ADGRV1: variants seen among roughly 807,000 people sequenced by gnomAD.
ADGRV1 encodes adhesion G protein-coupled receptor V1, also known as G-protein coupled receptor 98.
In ADGRV1, 359 loss-of-function variants were observed where a neutral mutation model predicts 596.2. That is an observed-to-expected ratio of 0.60 (90% CI 0.55 to 0.66). The LOEUF (loss-of-function observed/expected upper bound fraction) is 0.66, where lower values mean the gene tolerates loss of function less well. Ranked by LOEUF, ADGRV1 falls within the 30% of genes least tolerant of loss-of-function variation. ADGRV1 has a pLI of 0.00. For synonymous variants in ADGRV1, 2,681 were observed against 2,679.2 expected, an observed-to-expected ratio of 1.00 and a Z score of -0.02; for missense variants, 7,274 against 7,575.6, an observed-to-expected ratio of 0.96 and a Z score of 1.48.
At chr5:91,075,159 C>G (rs1788739224) in intron 86 of ADGRV1, among the ~76,000 whole-genome samples, 1 of 151,980 alleles carries the variant, frequency 6.6e-6, no homozygotes, top group Non-Finnish European at 1.5e-5. Context: ...TTGATAATTT[C>G]TTTTGCTGTG....
At chr5:91,138,514 T>C (rs73771194) in intron 87 of ADGRV1, among the ~76,000 whole-genome samples, 1,602 of 152,286 alleles carry the variant, frequency 0.011, 38 homozygotes, top group African/African-American at 0.037. Flanking sequence ...CTTGTTTCAC[T>C]GATAAGAAAA....
Position 90,720,991 on chromosome 5 carries a change from G to C in ADGRV1, c.9680G>C (p.Arg3227Pro). Residue 3227 changes from arginine to proline, a missense_variant, in exon 45 of 90, where the codon CGA becomes CCA. Coordinates refer to ENST00000405460, the MANE Select transcript of ADGRV1 (RefSeq NM_032119.4). ...AGGACCGTGTATTTAAATGTATCTC[G>C]AACTAATGGCATTGATTTGGCTGTG... Reference protein sequence around the residue: ...ANRTVYLNVSRTNGIDLAVSV... With the variant: ...ANRTVYLNVSPTNGIDLAVSV... 1 of 1,612,510 alleles carries C rather than the reference G, an allele frequency of 6.2e-7. No homozygotes were observed. The highest frequency in any genetic ancestry group is 8.5e-7 in the Non-Finnish European group (1 of 1,178,972).
chr5:90,774,883 C>G (rs543100889), intron 60 of ADGRV1, among the ~76,000 whole-genome samples: 2 of 152,118 alleles, frequency 1.3e-5, no homozygotes, highest in South Asian at 4.2e-4. Flanking sequence ...CACACTTTAC[C>G]TTTGTAATAA....
chr5:90,629,617 ATTATTTTGACCTTG>A, intron 9 of ADGRV1, 78 bp downstream of exon 9: 1 of 1,060,696 alleles, frequency 9.4e-7, no homozygotes, highest in Non-Finnish European at 1.4e-6. Context: ...TTAACTGAAC[ATTATTTTGACCTTG>A]TTATTTTGCC....
At chr5:90,660,531 G>A (rs1041176258) in intron 21 of ADGRV1, among the ~76,000 whole-genome samples, 9 of 111,402 alleles carry the variant, frequency 8.1e-5, no homozygotes, top group East Asian at 1.1e-3. Context: ...ACAATTTAAC[G>A]TTAAAAAAAA....
rs201210744 is a variant in ADGRV1 at position 90,684,163 on chromosome 5, C to G, written c.6242C>G (p.Ser2081Cys). 75 of 1,613,194 alleles carry G rather than the reference C, an allele frequency of 4.6e-5. No individual in the cohort carries two copies. In the African/African-American group the frequency reaches 7.3e-4, roughly 16 times the overall value. ...SESVFIELLNSTLVAKVQSRS... is the reference protein window; with the variant it reads ...SESVFIELLNCTLVAKVQSRS... ...TCTGTCTTTATCGAACTACTCAACT[C>G]TACTTTAGTAGCGAAAGTACAGAGT... Residue 2081 changes from serine (S) to cysteine (C), a missense_variant, in exon 28 of 90, where the codon TCT becomes TGT. Ser to Cys is a moderately radical substitution (Grantham distance 112). Transcript: ENST00000405460.
At chr5:90,917,566 A>T (rs929618704) in intron 83 of ADGRV1, among the ~76,000 whole-genome samples, 1 of 152,202 alleles carries the variant, frequency 6.6e-6, no homozygotes, top group Non-Finnish European at 1.5e-5. Context: ...CACATTCTTC[A>T]AGCTTATATC....
At chr5:90,576,278 G>A (rs1246305038) in intron 1 of ADGRV1, among the ~76,000 whole-genome samples, 14 of 113,314 alleles carry the variant, frequency 1.2e-4, no homozygotes, top group African/African-American at 4.2e-4. Flanking sequence ...CCCGCCCCAC[G>A]ACAAGCCCCA....
chr5:90,816,585 C>T (rs1226482382), intron 75 of ADGRV1, among the ~76,000 whole-genome samples: 1 of 144,288 alleles, frequency 6.9e-6, no homozygotes, highest in African/African-American at 2.6e-5. Context: ...CAACAGTCCC[C>T]AGTGGGTGAT....
chr5:90,756,012 T>C (rs551213825), intron 55 of ADGRV1, among the ~76,000 whole-genome samples: 2 of 151,716 alleles, frequency 1.3e-5, no homozygotes, highest in South Asian at 4.2e-4. Flanking sequence ...CTGGAAATTT[T>C]TCATTATGCA....
At chr5:91,081,278 G>A (rs896520493) in intron 86 of ADGRV1, among the ~76,000 whole-genome samples, 3 of 152,014 alleles carry the variant, frequency 2.0e-5, no homozygotes, top group Admixed American at 1.3e-4. Context: ...TTAGGGCTTC[G>A]ACATACAAAT....
At chr5:90,893,197 G>T (rs755988963) in intron 83 of ADGRV1, among the ~76,000 whole-genome samples, 3 of 152,108 alleles carry the variant, frequency 2.0e-5, no homozygotes, top group Non-Finnish European at 4.4e-5. Context: ...CTAGTGTGAC[G>T]ATTGGCTAGA....
intron 14 of ADGRV1, 134 bp from the exon 15 acceptor site, chr5:90,644,570 CTG>C: frequency 1.5e-6 from 1 of 657,846 alleles, no homozygotes; most frequent in East Asian, 2.8e-5. Context: ...ACCTTAAAAA[CTG>C]TGCTAAGCAA....
At chr5:90,915,823 A>G (rs374168320) in intron 83 of ADGRV1, among the ~76,000 whole-genome samples, 33 of 152,300 alleles carry the variant, frequency 2.2e-4, no homozygotes, top group African/African-American at 6.7e-4. Context: ...AAAAATGCAC[A>G]TATTTAACAG....
At chr5:90,772,526 G>A (rs73772491) in intron 59 of ADGRV1, among the ~76,000 whole-genome samples, 8,193 of 152,232 alleles carry the variant, frequency 0.054, 393 homozygotes, top group African/African-American at 0.13. Context: ...TATGTTAGAT[G>A]AACTTTATTC....
chr5:91,144,811 G>C (rs1332872871), intron 87 of ADGRV1, among the ~76,000 whole-genome samples: 1 of 152,234 alleles, frequency 6.6e-6, no homozygotes, highest in Non-Finnish European at 1.5e-5. Flanking sequence ...TGAGTAACTT[G>C]AGATTAGGAG....
intron 25 of ADGRV1, among the ~76,000 whole-genome samples, chr5:90,678,568 A>G (rs1391482456): frequency 1.3e-5 from 2 of 148,452 alleles, no homozygotes; most frequent in Non-Finnish European, 3.0e-5. Flanking sequence ...TATGTGGCTC[A>G]TGGTTCTCGA....
At chr5:90,945,845 G>T (rs1776529434) in intron 83 of ADGRV1, among the ~76,000 whole-genome samples, 1 of 152,070 alleles carries the variant, frequency 6.6e-6, no homozygotes, top group African/African-American at 2.4e-5. Context: ...GGACATGGTG[G>T]TGTGTGCCTG....
chr5:91,019,908 T>A (rs140180137), intron 85 of ADGRV1, among the ~76,000 whole-genome samples: 27 of 152,154 alleles, frequency 1.8e-4, no homozygotes, highest in African/African-American at 6.5e-4. Flanking sequence ...TCTCTGTCTG[T>A]CTTCCACCCC....
Sources: allele counts gnomAD v4.1 joint callset (sites outside exome capture counted in the v4.1 genomes callset), GRCh38; gene constraint gnomAD v4.1.1; transcripts MANE v1.5; gene names NCBI Gene and HGNC (gene_info 2026-07-23, HGNC 2026-07-21).